The following CDC123 variants were observed in gnomAD, a reference collection of about 807,000 sequenced individuals.
CDC123 encodes the protein cell division cycle 123, also known as translation initiation factor eIF2 assembly protein.
In CDC123, 37 loss-of-function variants were observed where a neutral mutation model predicts 54.4. That is an observed-to-expected ratio of 0.68 (90% CI 0.52 to 0.89). The LOEUF (loss-of-function observed/expected upper bound fraction) is 0.89. Among genes scored for constraint, CDC123 ranks in the 40% least tolerant of loss-of-function variants. CDC123 has a pLI of 0.00. For synonymous variants in CDC123, 144 were observed against 136.8 expected (o/e 1.05, Z -0.37); for missense variants, 361 against 412.1 (o/e 0.88, Z 1.07).
intron 6 of CDC123, among the ~76,000 whole-genome samples, chr10:12,218,608 TTA>T (rs1835692844): frequency 6.6e-6 from 1 of 152,200 alleles, no homozygotes; most frequent in Non-Finnish European, 1.5e-5. Context: ...TCTAAATTCA[TTA>T]TTTTCCATTC....
At chr10:12,233,621 A>C (rs1835934495) in intron 7 of CDC123, among the ~76,000 whole-genome samples, 1 of 152,118 alleles carries the variant, frequency 6.6e-6, no homozygotes, top group South Asian at 2.1e-4. Context: ...AAAATTATGT[A>C]TGTATATGCC....
At chr10:12,238,337 A>C in intron 9 of CDC123, 120 bp from the exon 10 acceptor site, 1 of 1,090,894 alleles carries the variant, frequency 9.2e-7, no homozygotes, top group Non-Finnish European at 1.3e-6. Flanking sequence ...TAGAAGCATG[A>C]AGTCCTCAGG....
At chr10:12,206,821 T>C (rs574074414) in intron 2 of CDC123, among the ~76,000 whole-genome samples, 1 of 151,984 alleles carries the variant, frequency 6.6e-6, no homozygotes, top group Admixed American at 6.6e-5. Context: ...TAGCCGGGTG[T>C]GGTGGCGGGC....
At chr10:12,199,059 G>T (rs916189313) in intron 2 of CDC123, among the ~76,000 whole-genome samples, 1 of 152,134 alleles carries the variant, frequency 6.6e-6, no homozygotes, top group Non-Finnish European at 1.5e-5. Context: ...CGGTAGCAGG[G>T]TGGGGGAAGT....
intron 8 of CDC123, among the ~76,000 whole-genome samples, 186 bp downstream of exon 8, chr10:12,235,309 G>C (rs1835964416): frequency 6.6e-6 from 1 of 152,196 alleles, no homozygotes; most frequent in Non-Finnish European, 1.5e-5. Flanking sequence ...CCTGAGCCCA[G>C]AGTCACTTGC....
chr10:12,207,081 T>G (rs1159370013), intron 2 of CDC123, among the ~76,000 whole-genome samples: 2 of 152,182 alleles, frequency 1.3e-5, no homozygotes, highest in African/African-American at 2.4e-5. Context: ...GACTTTAATT[T>G]TCCTGTTTCA....
intron 6 of CDC123, 79 bp downstream of exon 6, chr10:12,217,546 T>G: frequency 7.0e-7 from 1 of 1,419,386 alleles, no homozygotes; most frequent in Non-Finnish European, 9.6e-7. Context: ...CCATTACTTA[T>G]AGTACTATTA....
rs138915971 is a variant in CDC123, at chr10:12,212,393, A to G, written c.237+2071A>G. Among the ~76,000 whole-genome samples the G allele has an allele frequency of 7.9e-3, 1,196 of 152,352 alleles. 9 individuals are homozygous for G. The highest frequency in any genetic ancestry group is 0.027 in the African/African-American group (1,128 of 41,596). ...GCTGAAACAATGATGTGACATGACA[A>G]AAAGATGCCAGAAGCTAGCTTTGGG... On this transcript the variant is annotated intron_variant, in intron 4 of 12. Coordinates refer to ENST00000281141, the MANE Select transcript of CDC123 (RefSeq NM_006023.3).
In CDC123 at chr10:12,249,903, G is replaced by C. The variant is rs145112911; in HGVS notation, c.984+185G>C. 1,586 of 745,208 alleles carry C rather than the reference G, an allele frequency of 2.1e-3. 22 individuals are homozygous for C. In the South Asian group the frequency reaches 0.032, roughly 15 times the overall value. The allele number at this position is 745,208 out of a possible 1,614,324, so 46.2% of individuals were successfully genotyped here. On this transcript the variant is annotated intron_variant, in intron 12 of 12. Transcript: ENST00000281141. ...ATAGGAGCTGAAGGCATAATTTATT[G>C]ATTAGAATGACAGAAAATGTTTTTA...
At chr10:12,215,049 G>C (rs2131740089) in intron 4 of CDC123, among the ~76,000 whole-genome samples, 1 of 152,154 alleles carries the variant, frequency 6.6e-6, no homozygotes, top group South Asian at 2.1e-4. Context: ...AATGACATCA[G>C]GCTTAAGTTC....
rs756016945 is a variant in CDC123, at chr10:12,215,736, G to C, written c.238-4G>C. 5.0e-6 allele frequency: 8 copies of C among 1,593,054 alleles called. No individual in the cohort carries two copies. In the East Asian group the frequency reaches 9.0e-5, roughly 18 times the overall value. ...GTGCCCAATGATTTCTTCTCTCTCT[G>C]TAGGCACCAGAATTTCCTGAGTTTG... On this transcript the variant is annotated splice_region_variant and splice_polypyrimidine_tract_variant and intron_variant, in intron 4 of 12. Transcript: ENST00000281141.
chr10:12,234,507 C>T (rs1268175524), intron 7 of CDC123, among the ~76,000 whole-genome samples: 1 of 152,224 alleles, frequency 6.6e-6, no homozygotes, highest in Non-Finnish European at 1.5e-5. Context: ...GCGTGAGCCT[C>T]CGCACCTGGC....
chr10:12,236,526 A>G (rs57062879), intron 8 of CDC123, among the ~76,000 whole-genome samples: 72,347 of 151,456 alleles, frequency 0.48, 17,697 homozygotes, highest in Middle Eastern at 0.57. Flanking sequence ...TTGAGCTCAG[A>G]AAGTGGAGGT....
intron 6 of CDC123, among the ~76,000 whole-genome samples, chr10:12,227,004 G>C (rs1399455499): frequency 6.6e-6 from 1 of 152,164 alleles, no homozygotes; most frequent in Non-Finnish European, 1.5e-5. Flanking sequence ...CTGCAATCCC[G>C]GCACTTTGGG....
Position 12,231,687 on chromosome 10 carries a change from A to G in CDC123, c.489+691A>G, listed in dbSNP as rs556815882. Among the ~76,000 whole-genome samples, 47 of 151,336 alleles carry G rather than the reference A, an allele frequency of 3.1e-4. 1 individual carries two copies. Among genetic ancestry groups the G allele is most frequent in the African/African-American group, 1.0e-3 (42 of 41,418 alleles). ...AAAAACAACTTCATTAGAAATTTTG[A>G]TGAGTTTAAACATAGTAAGCCTCAA... On this transcript the variant is annotated intron_variant, in intron 7 of 12. Coordinates refer to ENST00000281141, the MANE Select transcript of CDC123 (RefSeq NM_006023.3).
intron 10 of CDC123, among the ~76,000 whole-genome samples, chr10:12,243,657 G>A (rs565182518): frequency 6.6e-6 from 1 of 151,450 alleles, no homozygotes; most frequent in East Asian, 2.0e-4. Flanking sequence ...GATGGCGGAC[G>A]CCTGTAGTCC....
At chr10:12,224,482 A>C (rs1835778626) in intron 6 of CDC123, among the ~76,000 whole-genome samples, 2 of 152,014 alleles carry the variant, frequency 1.3e-5, no homozygotes, top group Admixed American at 1.3e-4. Flanking sequence ...ATTATACCTG[A>C]GAATTCTTTT....
intron 8 of CDC123, 44 bp from the exon 9 acceptor site, chr10:12,237,100 A>G (rs1835987679): frequency 6.8e-7 from 1 of 1,475,000 alleles, no homozygotes; most frequent in Non-Finnish European, 9.0e-7. Context: ...TGTTTTTGAA[A>G]AGAATATTGT....
In CDC123 at chr10:12,232,612, A is replaced by AT. The variant is rs143726282; in HGVS notation, c.489+1622dup. Among the ~76,000 whole-genome samples the AT allele has an allele frequency of 5.7e-3, 862 of 152,080 alleles. 28 individuals are homozygous for AT. In the East Asian group the frequency reaches 0.076, roughly 13 times the overall value. On this transcript the variant is annotated intron_variant, in intron 7 of 12. Coordinates refer to ENST00000281141, the MANE Select transcript of CDC123 (RefSeq NM_006023.3). ...GAGATTCTTATATACAACTTGTGAG[A>AT]TTTTTTCCCCTCACTTAATAGCATA...
Sources: gnomAD v4.1 joint callset for allele counts (sites outside exome capture counted in the v4.1 genomes callset) on GRCh38, gnomAD v4.1.1 for gene constraint, MANE v1.5 for transcripts, NCBI Gene and HGNC (gene_info 2026-07-23, HGNC 2026-07-21) for gene names.